The following LGSN variants were observed in gnomAD, a reference collection of about 807,000 sequenced individuals.
LGSN encodes lengsin.
A neutral mutation model predicts 19.5 loss-of-function variants in LGSN; 21 were observed. The ratio of observed to expected loss-of-function variants is 1.07; its 90% CI spans 0.76 to 1.55. The LOEUF (loss-of-function observed/expected upper bound fraction) is 1.55, where lower values mean the gene tolerates loss of function less well. LGSN is among the 40% of genes most tolerant of loss of function. The probability of loss-of-function intolerance (pLI) is 0.00; values close to 1 mark genes in which losing one functional copy is unlikely to be tolerated. For synonymous variants in LGSN, 257 were observed against 215.6 expected (o/e 1.19, Z -1.68); for missense variants, 673 against 608.5 (o/e 1.11, Z -1.12).
the LGSN span, chr6:63,441,837 G>C: frequency 3.2e-3 from 952 of 301,070 alleles, 14 homozygotes; most frequent in African/African-American, 0.02. Context: ...TGTGCAGCGG[G>C]GGCGCTGGTT....
chr6:63,459,112 A>G, the LGSN span, among the ~76,000 whole-genome samples: 3 of 152,248 alleles, frequency 2.0e-5, no homozygotes, highest in Non-Finnish European at 4.4e-5. Flanking sequence ...TATTATTAAC[A>G]ATTATAATTC....
the LGSN span, among the ~76,000 whole-genome samples, chr6:63,412,633 AAAGGGAAGG>A: frequency 4.2e-4 from 59 of 141,640 alleles, no homozygotes; most frequent in Middle Eastern, 7.1e-3. Context: ...GAAGGGAAAG[AAAGGGAAGG>A]AAGGGAAGGA....
At chr6:63,545,610 CA>C in the LGSN span, among the ~76,000 whole-genome samples, 1,624 of 141,768 alleles carry the variant, frequency 0.011, 11 homozygotes, top group South Asian at 0.041. Flanking sequence ...GACTCTGTCT[CA>C]AAAAAAAAAA....
chr6:63,450,621 T>C, the LGSN span, among the ~76,000 whole-genome samples: 1 of 149,554 alleles, frequency 6.7e-6, no homozygotes, highest in South Asian at 2.1e-4. Flanking sequence ...AACATAAAGG[T>C]AAATAAAAAA....
At chr6:63,440,539 A>C in the LGSN span, among the ~76,000 whole-genome samples, 2 of 152,094 alleles carry the variant, frequency 1.3e-5, no homozygotes, top group African/African-American at 4.8e-5. Flanking sequence ...AGTACCAAAC[A>C]ATTTCCTTCC....
At chr6:63,411,023 A>G in the LGSN span, among the ~76,000 whole-genome samples, 1 of 152,144 alleles carries the variant, frequency 6.6e-6, no homozygotes, top group Admixed American at 6.5e-5. Flanking sequence ...AGGAAATGTA[A>G]ATTGTGCCTA....
the LGSN span, among the ~76,000 whole-genome samples, chr6:63,379,818 A>G: frequency 6.6e-6 from 1 of 152,092 alleles, no homozygotes; most frequent in Admixed American, 6.6e-5. Flanking sequence ...TAGTTAATGT[A>G]GAAGCAATCT....
chr6:63,562,378 T>C, the LGSN span, among the ~76,000 whole-genome samples: 1 of 152,094 alleles, frequency 6.6e-6, no homozygotes, highest in Non-Finnish European at 1.5e-5. Flanking sequence ...TTTGTATTTT[T>C]AGTAGAGACA....
chr6:63,456,363 A>ATATATATACTTTTTTTTTTTT, the LGSN span, among the ~76,000 whole-genome samples: 1 of 28,102 alleles, frequency 3.6e-5, no homozygotes, highest in Non-Finnish European at 1.1e-4. Context: ...ATATATATAT[A>ATATATATACTTTTTTTTTTTT]TATATATATA....
chr6:63,447,903 T>G, the LGSN span, among the ~76,000 whole-genome samples: 1 of 152,176 alleles, frequency 6.6e-6, no homozygotes, highest in African/African-American at 2.4e-5. Flanking sequence ...TAACTCAAAG[T>G]AGGAAATCCA....
chr6:63,492,025 A>G, the LGSN span, among the ~76,000 whole-genome samples: 146,865 of 150,592 alleles, frequency 0.98, 71,653 homozygotes, highest in East Asian at 1. Flanking sequence ...GTGAAACTCC[A>G]TCTCAAAAAA....
Position 63,276,012 on chromosome 6 carries a change from C to CA in LGSN, c.*4008dup, listed in dbSNP as rs1767096761. The CA allele has an allele frequency of 6.6e-6, 1 of 152,198 alleles. No individual in the cohort carries two copies. Among genetic ancestry groups the CA allele is most frequent in the African/African-American group, 2.4e-5 (1 of 41,444 alleles). 9.4% of individuals were successfully genotyped at this position (152,198 alleles called of 1,614,324 possible). A position where few individuals can be genotyped will look rare whatever the true frequency, so the allele number is the denominator to read the frequency against. On this transcript the variant is annotated 3_prime_UTR_variant, in exon 4 of 4. Transcript: ENST00000370657. Reference sequence around the variant, plus strand: ...ATCCTAATTAGCAATTAGGAAGTATCATGTAAACCCCTAATTATAGGCAGC... The same window carrying CA: ...ATCCTAATTAGCAATTAGGAAGTATCAATGTAAACCCCTAATTATAGGCAGC...
the LGSN span, among the ~76,000 whole-genome samples, chr6:63,465,955 A>G: frequency 1.3e-5 from 2 of 152,184 alleles, no homozygotes; most frequent in Non-Finnish European, 2.9e-5. Context: ...TGTGCCTATG[A>G]ATCATTATCG....
chr6:63,505,395 T>C, the LGSN span, among the ~76,000 whole-genome samples: 3 of 151,228 alleles, frequency 2.0e-5, no homozygotes, highest in African/African-American at 7.3e-5. Flanking sequence ...CTGGTCAACA[T>C]AGTGAAACCC....
At chr6:63,405,130 T>C in the LGSN span, among the ~76,000 whole-genome samples, 3 of 151,952 alleles carry the variant, frequency 2.0e-5, no homozygotes, top group Non-Finnish European at 2.9e-5. Context: ...ACAAAGGACA[T>C]GAACTCATCA....
chr6:63,290,508 A>C (rs191588454), intron 2 of LGSN, among the ~76,000 whole-genome samples: 1 of 152,190 alleles, frequency 6.6e-6, no homozygotes, highest in East Asian at 1.9e-4. Flanking sequence ...AGTGGACAGC[A>C]CTTCACTATT....
At chr6:63,281,794 T>C (rs1767332660) in intron 3 of LGSN, among the ~76,000 whole-genome samples, 2 of 152,178 alleles carry the variant, frequency 1.3e-5, no homozygotes, top group Non-Finnish European at 2.9e-5. Context: ...CATTCCTCTC[T>C]TTATTCACTT....
chr6:63,566,424 CATT>C, the LGSN span, among the ~76,000 whole-genome samples: 1 of 152,054 alleles, frequency 6.6e-6, no homozygotes, highest in Admixed American at 6.6e-5. Context: ...TAAACCAAGA[CATT>C]ATTATCAGTG....
chr6:63,528,620 G>T, the LGSN span, among the ~76,000 whole-genome samples: 1 of 152,054 alleles, frequency 6.6e-6, no homozygotes, highest in Non-Finnish European at 1.5e-5. Flanking sequence ...ATGGCGGCAT[G>T]CATGGTGGTG....
Sources: allele counts gnomAD v4.1 joint callset (sites outside exome capture counted in the v4.1 genomes callset), GRCh38; gene constraint gnomAD v4.1.1; transcripts MANE v1.5; gene names NCBI Gene and HGNC (gene_info 2026-07-23, HGNC 2026-07-21).